SLAMF6: variants seen among roughly 807,000 people sequenced by gnomAD.
SLAMF6 encodes the protein SLAM family member 6.
A neutral mutation model predicts 38.3 loss-of-function variants in SLAMF6; 21 were observed. That is an observed-to-expected ratio of 0.55 (90% confidence interval 0.39 to 0.79). The LOEUF (loss-of-function observed/expected upper bound fraction) is 0.79, where lower values mean the gene tolerates loss of function less well. Among genes scored for constraint, SLAMF6 ranks in the 30% least tolerant of loss-of-function variants. The pLI, the probability that SLAMF6 is intolerant of heterozygous loss-of-function variation, is 0.00. For missense variants in SLAMF6, 341 were observed against 385.3 expected (o/e 0.89, Z 0.96); for synonymous variants, 152 against 146.3 (o/e 1.04, Z -0.28).
At chr1:160,508,730 T>A (rs12059905) in intron 1 of SLAMF6, among the ~76,000 whole-genome samples, 5,217 of 151,938 alleles carry the variant, frequency 0.034, 338 homozygotes, top group African/African-American at 0.12. Context: ...ACAACCTACA[T>A]AATGGGAGAA....
intron 3 of SLAMF6, 91 bp from the exon 4 acceptor site, chr1:160,490,776 T>C (rs1021027030): frequency 2.6e-6 from 4 of 1,519,906 alleles, no homozygotes; most frequent in Non-Finnish European, 2.6e-6. Context: ...TAGGCCATCT[T>C]TGGGGACTAG....
chr1:160,498,048 A>G (rs1285632069), intron 1 of SLAMF6, among the ~76,000 whole-genome samples: 8 of 152,086 alleles, frequency 5.3e-5, no homozygotes. Context: ...TTTTTGAAAA[A>G]TCTCCAAACT....
intron 1 of SLAMF6, among the ~76,000 whole-genome samples, chr1:160,509,585 A>G (rs1032209726): frequency 6.6e-6 from 1 of 152,216 alleles, no homozygotes; most frequent in African/African-American, 2.4e-5. Context: ...GCAAACCAAC[A>G]TGGCACATAT....
chr1:160,497,537 T>TG (rs1653652267), intron 1 of SLAMF6, among the ~76,000 whole-genome samples: 1 of 152,136 alleles, frequency 6.6e-6, no homozygotes, highest in Admixed American at 6.5e-5. Flanking sequence ...ATTTTAGATA[T>TG]GGGGGTACAT....
At chr1:160,498,903 T>C (rs1490496842) in intron 1 of SLAMF6, among the ~76,000 whole-genome samples, 2 of 152,214 alleles carry the variant, frequency 1.3e-5, no homozygotes, top group African/African-American at 4.8e-5. Flanking sequence ...CATTTTTTAA[T>C]GGGGTTATTC....
chr1:160,487,337 C>T (rs1041067), intron 6 of SLAMF6, 162 bp from the exon 7 acceptor site: 36,696 of 183,766 alleles, frequency 0.2, 3,928 homozygotes, highest in Admixed American at 0.27. Context: ...GACTAGCTAT[C>T]AAACTTGTGA....
In SLAMF6 at chr1:160,490,304, G is replaced by A. The variant is rs376044275; in HGVS notation, c.758-68C>T. 150 of 1,606,944 alleles carry A rather than the reference G, an allele frequency of 9.3e-5. 1 individual carries two copies. The African/African-American group carries it at 1.2e-3, about 13-fold the overall frequency. On this transcript the variant is annotated intron_variant, in intron 4 of 7. Transcript: ENST00000368057. ...GGAGAGGCATTTCACCCCTAACCCC[G>A]TGAGTGTTGGGATGTGGTGGGAGGG... is the stretch of plus-strand genomic sequence containing the variant.
intron 2 of SLAMF6, among the ~76,000 whole-genome samples, chr1:160,493,573 A>T (rs920592958): frequency 6.6e-6 from 1 of 152,200 alleles, no homozygotes; most frequent in Non-Finnish European, 1.5e-5. Flanking sequence ...GATGTATTCC[A>T]GGTGCCTATA....
chr1:160,508,979 G>T (rs576198357), intron 1 of SLAMF6, among the ~76,000 whole-genome samples: 72 of 152,302 alleles, frequency 4.7e-4, no homozygotes, highest in Middle Eastern at 3.4e-3. Flanking sequence ...AGTTAGAATG[G>T]CTATCATTAA....
intron 5 of SLAMF6, among the ~76,000 whole-genome samples, chr1:160,489,839 T>C (rs986976502): frequency 6.6e-6 from 1 of 152,180 alleles, no homozygotes; most frequent in African/African-American, 2.4e-5. Context: ...TGAACAGTAA[T>C]GATGCAGTCA....
intron 1 of SLAMF6, among the ~76,000 whole-genome samples, chr1:160,500,525 C>G (rs1394577915): frequency 1.3e-5 from 2 of 152,072 alleles, no homozygotes; most frequent in Non-Finnish European, 2.9e-5. Context: ...TGTGACCACT[C>G]TTTTTGCACC....
intron 3 of SLAMF6, 43 bp from the exon 4 acceptor site, chr1:160,490,728 G>A: frequency 6.2e-7 from 1 of 1,602,776 alleles, no homozygotes; most frequent in Middle Eastern, 1.7e-4. Context: ...CACATCAAGT[G>A]AGGCCCACTG....
intron 5 of SLAMF6, 120 bp downstream of exon 5, chr1:160,490,078 G>A (rs1024696118): frequency 1.7e-6 from 2 of 1,154,610 alleles, no homozygotes; most frequent in Admixed American, 3.4e-5. Context: ...CATGTGGTCT[G>A]AGTAATGACA....
At chr1:160,515,012 G>C (rs12064709) in intron 1 of SLAMF6, among the ~76,000 whole-genome samples, 5,210 of 152,130 alleles carry the variant, frequency 0.034, 343 homozygotes, top group African/African-American at 0.12. Flanking sequence ...GATCAAAGCA[G>C]AACTGAAGGA....
intron 7 of SLAMF6, 127 bp from the exon 8 acceptor site, chr1:160,486,881 C>T (rs1652991531): frequency 2.7e-6 from 3 of 1,111,244 alleles, no homozygotes; most frequent in South Asian, 1.4e-5. Flanking sequence ...TAGCATAGGG[C>T]AGGATTAAAT....
At chr1:160,488,155 C>A (rs1027535496) in intron 6 of SLAMF6, among the ~76,000 whole-genome samples, 4 of 151,248 alleles carry the variant, frequency 2.6e-5, no homozygotes, top group African/African-American at 9.7e-5. Flanking sequence ...CTCAAACTCT[C>A]CAAAGCACAT....
chr1:160,488,520 C>G (rs1653090110), intron 6 of SLAMF6, among the ~76,000 whole-genome samples: 1 of 152,108 alleles, frequency 6.6e-6, no homozygotes. Flanking sequence ...TGATACATGA[C>G]AGATGAGTTG....
At chr1:160,521,122 T>C (rs1371430556) in intron 1 of SLAMF6, among the ~76,000 whole-genome samples, 2 of 152,204 alleles carry the variant, frequency 1.3e-5, no homozygotes, top group Non-Finnish European at 2.9e-5. Flanking sequence ...TGTATGACTG[T>C]GTGTAAGCTA....
intron 1 of SLAMF6, among the ~76,000 whole-genome samples, chr1:160,516,476 C>T (rs923644771): frequency 6.6e-6 from 1 of 152,120 alleles, no homozygotes; most frequent in African/African-American, 2.4e-5. Context: ...CTATCATTGA[C>T]ATTTTTCACA....
Sources: gnomAD v4.1 joint callset for allele counts (sites outside exome capture counted in the v4.1 genomes callset) on GRCh38, gnomAD v4.1.1 for gene constraint, MANE v1.5 for transcripts, NCBI Gene and HGNC (gene_info 2026-07-23, HGNC 2026-07-21) for gene names.